ALDH7A1: variants seen among roughly 807,000 people sequenced by gnomAD.
ALDH7A1 encodes the protein alpha-aminoadipic semialdehyde dehydrogenase.
ALDH7A1 carries 63 observed loss-of-function variants against 79.9 expected under a neutral mutation model. The ratio of observed to expected loss-of-function variants is 0.79; its 90% CI spans 0.64 to 0.97. ALDH7A1 has a LOEUF of 0.97. ALDH7A1 is among the 50% of genes least tolerant of loss of function. ALDH7A1 has a pLI of 0.00. For synonymous variants in ALDH7A1, 240 were observed against 231.2 expected, an observed-to-expected ratio of 1.04 and a Z score of -0.34; for missense variants, 627 against 665.2, an observed-to-expected ratio of 0.94 and a Z score of 0.63.
intron 5 of ALDH7A1, chr5:126,582,055 G>A (rs1242467361): frequency 2.5e-6 from 1 of 398,570 alleles, no homozygotes; most frequent in Non-Finnish European, 4.4e-6. Context: ...CTAGGAAGGT[G>A]GCTCATGCCT....
chr5:126,555,715 T>C (rs1488410050), intron 12 of ALDH7A1, among the ~76,000 whole-genome samples: 1 of 152,002 alleles, frequency 6.6e-6, no homozygotes, highest in Non-Finnish European at 1.5e-5. Context: ...TCTCATTCCA[T>C]CTAAACAACC....
intron 16 of ALDH7A1, 137 bp from the exon 17 acceptor site, chr5:126,546,536 C>G: frequency 1.3e-6 from 1 of 749,392 alleles, no homozygotes; most frequent in Non-Finnish European, 2.3e-6. Flanking sequence ...CACAATATCT[C>G]CCCTGCAAAC....
chr5:126,555,723 A>T (rs576401206), intron 12 of ALDH7A1, among the ~76,000 whole-genome samples: 31 of 152,090 alleles, frequency 2.0e-4, no homozygotes, highest in Admixed American at 1.8e-3. Context: ...CATCTAAACA[A>T]CCTCTCCCAG....
intron 9 of ALDH7A1, among the ~76,000 whole-genome samples, chr5:126,564,951 A>G (rs772980732): frequency 6.6e-6 from 1 of 152,230 alleles, no homozygotes; most frequent in Non-Finnish European, 1.5e-5. Context: ...TTTAAAAATT[A>G]TAATTCTACT....
intron 3 of ALDH7A1, among the ~76,000 whole-genome samples, chr5:126,591,387 TAA>T (rs879598820): frequency 7.0e-6 from 1 of 143,102 alleles, no homozygotes. Flanking sequence ...TCTTGGCTGA[TAA>T]AAAAAAAAAG....
chr5:126,549,718 T>C, intron 16 of ALDH7A1: 2 of 611,678 alleles, frequency 3.3e-6, no homozygotes, highest in Non-Finnish European at 5.9e-6. Flanking sequence ...GGGCCTCTGC[T>C]CTAACCTGAT....
chr5:126,582,798 G>T (rs1751220967), intron 5 of ALDH7A1, 53 bp downstream of exon 5: 2 of 1,599,658 alleles, frequency 1.3e-6, no homozygotes, highest in African/African-American at 1.4e-5. Flanking sequence ...TATTTTTTTT[G>T]GAGCTCTGTA....
rs770632526 is a variant in ALDH7A1, at chr5:126,593,416, A to C, written c.193-12T>G. The C allele has an allele frequency of 3.1e-6, 5 of 1,613,892 alleles. No individual in the cohort carries two copies. The highest frequency in any genetic ancestry group is 2.7e-5 in the African/African-American group (2 of 74,900). On this transcript the variant is annotated splice_polypyrimidine_tract_variant and intron_variant, in intron 1 of 17. Transcript: ENST00000409134. The stretch of plus-strand genomic sequence containing the variant: ...TAGGTCGTAATAACCTTAAAACAAA[A>C]GGATGATGATCATGTATAGAAAACG...
At chr5:126,592,570 G>T in intron 3 of ALDH7A1, 94 bp downstream of exon 3, 3 of 1,276,952 alleles carry the variant, frequency 2.3e-6, no homozygotes, top group Non-Finnish European at 3.4e-6. Flanking sequence ...TTAACAAGGC[G>T]GCACTGACCT....
chr5:126,575,586 C>G, intron 6 of ALDH7A1, 122 bp from the exon 7 acceptor site: 1 of 806,744 alleles, frequency 1.2e-6, no homozygotes, highest in South Asian at 1.6e-5. Context: ...AGACAACTAA[C>G]AAGTGAGTCT....
intron 5 of ALDH7A1, among the ~76,000 whole-genome samples, chr5:126,577,879 A>G (rs961273302): frequency 6.7e-6 from 1 of 149,240 alleles, no homozygotes; most frequent in Non-Finnish European, 1.5e-5. Context: ...CATATTCTTT[A>G]TGTTACCTGA....
rs115786291 is a variant in ALDH7A1, at chr5:126,591,626, G to A, written c.312+1038C>T. Among the ~76,000 whole-genome samples, 1,273 of 152,196 alleles carry A rather than the reference G, an allele frequency of 8.4e-3. 11 individuals are homozygous for A. Among genetic ancestry groups the A allele is most frequent in the Middle Eastern group, 0.024 (7 of 294 alleles). On this transcript the variant is annotated intron_variant, in intron 3 of 17. Coordinates refer to ENST00000409134, the MANE Select transcript of ALDH7A1 (RefSeq NM_001182.5). Reference sequence around the variant, plus strand: ...ATGATTAACTCATTTAACCCTCCCAGGAGACAGGCACCCCCAGTCTTTTCT... The same window carrying A: ...ATGATTAACTCATTTAACCCTCCCAAGAGACAGGCACCCCCAGTCTTTTCT...
chr5:126,558,728 G>A (rs1161619960), intron 11 of ALDH7A1, among the ~76,000 whole-genome samples: 1 of 151,840 alleles, frequency 6.6e-6, no homozygotes, highest in Non-Finnish European at 1.5e-5. Flanking sequence ...GAATCACTTT[G>A]TTGCCCAGGC....
chr5:126,593,629 T>G (rs1561673235), intron 1 of ALDH7A1: 1 of 638,378 alleles, frequency 1.6e-6, no homozygotes, highest in Non-Finnish European at 2.7e-6. Flanking sequence ...GCCTCTGACA[T>G]CTCAATATTA....
At chr5:126,576,835 G>A (rs1046470929) in intron 6 of ALDH7A1, among the ~76,000 whole-genome samples, 1 of 152,168 alleles carries the variant, frequency 6.6e-6, no homozygotes, top group Non-Finnish European at 1.5e-5. Context: ...GCTGAGGCAG[G>A]AGAATTGCTT....
chr5:126,568,207 T>C (rs979426821), intron 9 of ALDH7A1, 52 bp downstream of exon 9: 1 of 1,570,588 alleles, frequency 6.4e-7, no homozygotes, highest in African/African-American at 1.4e-5. Context: ...CTTTTAGATT[T>C]CACCTCCATA....
In ALDH7A1 at chr5:126,568,375, G is replaced by A. The variant is rs373058643; in HGVS notation, c.774-19C>T. On this transcript the variant is annotated intron_variant, in intron 8 of 17. Coordinates refer to ENST00000409134, the MANE Select transcript of ALDH7A1 (RefSeq NM_001182.5). The stretch of plus-strand genomic sequence containing the variant: ...TGCTGTGCTGCAAGGGAACAGACAC[G>A]GTCGGCCACCCAAGCAGAGAAACCC... The A allele has an allele frequency of 4.2e-5, 68 of 1,607,982 alleles. No individual in the cohort carries two copies. The highest frequency in any genetic ancestry group is 3.1e-4 in the African/African-American group (23 of 74,762).
rs201353024 is a variant in ALDH7A1 at position 126,568,252 on chromosome 5, C to T, written c.871+7G>A. The T allele has an allele frequency of 3.7e-6, 6 of 1,613,766 alleles. No homozygotes were observed. In the Admixed American group the frequency reaches 6.7e-5, roughly 18 times the overall value. ...ATTAAAATCCTCATTAGAAAGCCAACACTTACCAAACCTCTCCTGCACCAT... is the reference window on the plus strand; with the variant it reads ...ATTAAAATCCTCATTAGAAAGCCAATACTTACCAAACCTCTCCTGCACCAT... On this transcript the variant is annotated splice_region_variant and intron_variant, in intron 9 of 17. Coordinates refer to ENST00000409134, the MANE Select transcript of ALDH7A1 (RefSeq NM_001182.5).
chr5:126,590,283 A>G (rs953055921), intron 3 of ALDH7A1, among the ~76,000 whole-genome samples: 12 of 152,238 alleles, frequency 7.9e-5, no homozygotes, highest in Admixed American at 6.5e-4. Flanking sequence ...CCGCTGTGCA[A>G]CCTTCCAAGT....
Sources: allele counts gnomAD v4.1 joint callset (sites outside exome capture counted in the v4.1 genomes callset), GRCh38; gene constraint gnomAD v4.1.1; transcripts MANE v1.5; gene names NCBI Gene and HGNC (gene_info 2026-07-23, HGNC 2026-07-21).